DROSHA: variants seen among roughly 807,000 people sequenced by gnomAD.
DROSHA encodes drosha ribonuclease III.
Under a neutral mutation model 181.9 loss-of-function variants are expected in DROSHA, and 56 were observed. The ratio of observed to expected loss-of-function variants is 0.31; its 90% confidence interval spans 0.25 to 0.38. The LOEUF is 0.38. Ranked by LOEUF, DROSHA falls within the 10% of genes least tolerant of loss-of-function variation. The pLI is 1.00. For synonymous variants in DROSHA, 524 were observed against 591.2 expected (o/e 0.89, Z 1.65); for missense variants, 1,218 against 1,743.5 (o/e 0.70, Z 5.37).
chr5:31,511,521 C>T (rs184051569), intron 8 of DROSHA, among the ~76,000 whole-genome samples: 1 of 152,070 alleles, frequency 6.6e-6, no homozygotes, highest in Admixed American at 6.5e-5. Context: ...GCCTGGGCAA[C>T]ATAGCAAGAC....
intron 35 of DROSHA, among the ~76,000 whole-genome samples, chr5:31,404,552 A>G (rs185933829): frequency 6.9e-4 from 105 of 152,150 alleles, no homozygotes; most frequent in African/African-American, 2.5e-3. Flanking sequence ...GCTGTCTCCT[A>G]CCTCATTTAG....
intron 13 of DROSHA, among the ~76,000 whole-genome samples, chr5:31,492,550 C>T (rs1226355244): frequency 6.6e-6 from 1 of 152,190 alleles, no homozygotes; most frequent in Non-Finnish European, 1.5e-5. Context: ...AAGTACACTG[C>T]CACACATCTG....
At chr5:31,489,882 C>CTTTTTCTT (rs892620496) in intron 13 of DROSHA, among the ~76,000 whole-genome samples, 4 of 150,148 alleles carry the variant, frequency 2.7e-5, no homozygotes, top group African/African-American at 9.8e-5. Context: ...CATTTTTTTT[C>CTTTTTCTT]TTTTTCTTTT....
chr5:31,401,270 C>T lies in DROSHA; in HGVS notation c.*162G>A. ...CTAATACTTTGTAATAAAGACCATCCAGCTAAAAACAGATCATTAAAACAA... is the reference window on the plus strand; with the variant it reads ...CTAATACTTTGTAATAAAGACCATCTAGCTAAAAACAGATCATTAAAACAA... On this transcript the variant is annotated 3_prime_UTR_variant, in exon 36 of 36. Coordinates refer to ENST00000344624, the MANE Select transcript of DROSHA (RefSeq NM_001382508.1). 1.0e-6 allele frequency: 1 copy of T among 977,036 alleles called. No homozygotes were observed. Among genetic ancestry groups the T allele is most frequent in the Non-Finnish European group, 1.6e-6 (1 of 639,386 alleles). The allele number at this position is 977,036 out of a possible 1,614,324, so 60.5% of individuals were successfully genotyped here. A position where few individuals can be genotyped will look rare whatever the true frequency, so the allele number is the denominator to read the frequency against.
chr5:31,473,073 ACAAGAGCCCTGAAGAGGAC>A (rs1436807026), intron 16 of DROSHA, among the ~76,000 whole-genome samples: 7 of 149,662 alleles, frequency 4.7e-5, no homozygotes, highest in African/African-American at 1.8e-4. Context: ...CAAACAAAGG[ACAAGAGCCCTGAAGAGGAC>A]AATCATTACC....
rs780630622 is a variant in DROSHA, at chr5:31,511,081, A to G, written c.1386T>C (p.Ala462=). ...TCTTTGGAGGTTCCCACGGAGGCCG[A>G]GCAGCTTTGGCCTTTTCTTGCCTGC... is the stretch of plus-strand genomic sequence containing the variant. ...LGSRQEKAKA[A]RPPWEPPKTK... The change falls in exon 9 of 36, where the codon GCT becomes GCC. Residue 462 remains alanine, a synonymous_variant. Transcript: ENST00000344624. 33 of 1,613,820 alleles carry G rather than the reference A, an allele frequency of 2.0e-5. No homozygotes were observed. Among genetic ancestry groups the G allele is most frequent in the Non-Finnish European group, 2.7e-5 (32 of 1,179,884 alleles).
At chr5:31,492,447 A>C (rs1442467061) in intron 13 of DROSHA, among the ~76,000 whole-genome samples, 1 of 152,228 alleles carries the variant, frequency 6.6e-6, no homozygotes, top group Non-Finnish European at 1.5e-5. Context: ...ATTTCACGTA[A>C]CCAAACCAGA....
chr5:31,431,781 G>T (rs1580067966), intron 25 of DROSHA, 103 bp from the exon 26 acceptor site: 1 of 988,596 alleles, frequency 1.0e-6, no homozygotes, highest in South Asian at 1.4e-5. Flanking sequence ...ACGAGATGGG[G>T]GCAGCGTAAT....
At chr5:31,421,483 AT>A in intron 29 of DROSHA, 106 bp from the exon 30 acceptor site, 1 of 934,420 alleles carries the variant, frequency 1.1e-6, no homozygotes, top group Non-Finnish European at 1.7e-6. Flanking sequence ...CAATGTGTTC[AT>A]TTTGTTTTAA....
At chr5:31,498,507 G>C (rs965568809) in intron 11 of DROSHA, among the ~76,000 whole-genome samples, 6 of 152,154 alleles carry the variant, frequency 3.9e-5, no homozygotes, top group African/African-American at 1.4e-4. Context: ...AATCGAAAAG[G>C]TCAGAAATGA....
chr5:31,483,928 CTT>C (rs1216505608), intron 15 of DROSHA, among the ~76,000 whole-genome samples: 1 of 152,028 alleles, frequency 6.6e-6, no homozygotes, highest in Non-Finnish European at 1.5e-5. Flanking sequence ...ACTATCAAGA[CTT>C]ATTATAATTG....
At chr5:31,436,982 T>G (rs1398852044) in intron 24 of DROSHA, among the ~76,000 whole-genome samples, 1 of 152,214 alleles carries the variant, frequency 6.6e-6, no homozygotes, top group East Asian at 1.9e-4. Flanking sequence ...CTTGTGGCTG[T>G]AAGCAACTTT....
intron 35 of DROSHA, among the ~76,000 whole-genome samples, chr5:31,402,802 A>ATTAT (rs1012817961): frequency 7.9e-5 from 12 of 152,150 alleles, no homozygotes; most frequent in East Asian, 1.9e-4. Flanking sequence ...TTATTTATTT[A>ATTAT]TTATTTATTT....
intron 10 of DROSHA, among the ~76,000 whole-genome samples, chr5:31,508,116 TTTTA>T (rs1248829435): frequency 6.6e-6 from 1 of 152,244 alleles, no homozygotes; most frequent in Non-Finnish European, 1.5e-5. Flanking sequence ...ACAATGCTAA[TTTTA>T]TTATGTATTA....
At chr5:31,519,754 A>G (rs1037866300) in intron 6 of DROSHA, among the ~76,000 whole-genome samples, 4 of 152,192 alleles carry the variant, frequency 2.6e-5, no homozygotes, top group African/African-American at 9.6e-5. Flanking sequence ...TTACTCACAT[A>G]TGGATGCTGA....
In DROSHA at chr5:31,495,283, T is replaced by G; in HGVS notation, c.1755+3A>C. 6.2e-7 allele frequency: 1 copy of G among 1,613,386 alleles called. No individual in the cohort carries two copies. The highest frequency in any genetic ancestry group is 1.3e-5 in the African/African-American group (1 of 75,038). On this transcript the variant is annotated splice_donor_region_variant and intron_variant, in intron 12 of 35. Coordinates refer to ENST00000344624, the MANE Select transcript of DROSHA (RefSeq NM_001382508.1). Reference sequence around the variant, plus strand: ...ATATGCATGTGATTCTTTAGAAACTTACTAAAAAGTTCGTAGGCGGGGAGA... The same window carrying G: ...ATATGCATGTGATTCTTTAGAAACTGACTAAAAAGTTCGTAGGCGGGGAGA...
chr5:31,420,431 T>G (rs1277752032), intron 30 of DROSHA, among the ~76,000 whole-genome samples: 1 of 152,210 alleles, frequency 6.6e-6, no homozygotes, highest in Non-Finnish European at 1.5e-5. Context: ...TTCAGGATAT[T>G]ATTGATTGGT....
intron 6 of DROSHA, among the ~76,000 whole-genome samples, chr5:31,518,544 G>C (rs12513784): frequency 0.36 from 54,969 of 152,034 alleles, 12,287 homozygotes; most frequent in Non-Finnish European, 0.5. Context: ...TACTTAAAAG[G>C]CTGTTAAAAT....
chr5:31,434,560 A>G (rs892754892), intron 25 of DROSHA, among the ~76,000 whole-genome samples: 15 of 152,266 alleles, frequency 9.9e-5, no homozygotes, highest in African/African-American at 3.6e-4. Flanking sequence ...TACAATGATG[A>G]TGTTATCACA....
Sources: allele counts gnomAD v4.1 joint callset (sites outside exome capture counted in the v4.1 genomes callset), GRCh38; gene constraint gnomAD v4.1.1; transcripts MANE v1.5; gene names NCBI Gene and HGNC (gene_info 2026-07-23, HGNC 2026-07-21).